Variants in WDR72 observed in about 807,000 individuals in gnomAD.
WDR72 encodes WD repeat domain 72, also known as WD repeat-containing protein 72.
In WDR72, 120 loss-of-function variants were observed where a neutral mutation model predicts 124.2. The ratio of observed to expected loss-of-function variants is 0.97; its 90% CI spans 0.83 to 1.12. WDR72 has a LOEUF of 1.12. WDR72 is among the 50% of genes most tolerant of loss of function. The pLI, the probability that WDR72 is intolerant of heterozygous loss-of-function variation, is 0.00. For synonymous variants in WDR72, 452 were observed against 441.7 expected (o/e 1.02, Z -0.29); for missense variants, 1,387 against 1,278.8 (o/e 1.08, Z -1.29).
At chr15:53,629,820 C>G (rs1291656167) in intron 14 of WDR72, among the ~76,000 whole-genome samples, 3 of 152,082 alleles carry the variant, frequency 2.0e-5, no homozygotes, top group Non-Finnish European at 4.4e-5. Context: ...AAACCAGCAG[C>G]CTACCAGCCA....
upstream of WDR72, among the ~76,000 whole-genome samples, chr15:53,761,393 A>G (rs1337395314): frequency 1.3e-5 from 2 of 152,216 alleles, no homozygotes; most frequent in East Asian, 3.9e-4. Context: ...TACAACCACT[A>G]TGGAGAACAG....
rs561608214 is a variant in WDR72 at position 53,705,880 on chromosome 15, A to G, written c.1102+47T>C. The G allele has an allele frequency of 3.7e-6, 6 of 1,606,348 alleles. No individual in the cohort carries two copies. The Admixed American group carries it at 6.7e-5, about 18-fold the overall frequency. On this transcript the variant is annotated intron_variant, in intron 10 of 19. Coordinates refer to ENST00000360509, the MANE Select transcript of WDR72 (RefSeq NM_182758.4). ...CTTAGAAGAACAATGAATTAATTAC[A>G]AATTCATTCTCAGAAGACATGTTAC...
At chr15:53,691,223 A>T (rs1444885172) in intron 13 of WDR72, among the ~76,000 whole-genome samples, 1 of 151,936 alleles carries the variant, frequency 6.6e-6, no homozygotes, top group Non-Finnish European at 1.5e-5. Context: ...CTAATTTTTT[A>T]AATTTTTTAT....
At chr15:53,639,533 A>ATT (rs1370260077) in intron 14 of WDR72, among the ~76,000 whole-genome samples, 19 of 146,142 alleles carry the variant, frequency 1.3e-4, no homozygotes, top group South Asian at 8.4e-4. Context: ...TATTTATAAA[A>ATT]TTATATATAA....
At chr15:53,589,501 A>G (rs533788349) in intron 18 of WDR72, among the ~76,000 whole-genome samples, 6 of 152,030 alleles carry the variant, frequency 3.9e-5, no homozygotes, top group Non-Finnish European at 7.4e-5. Context: ...TGATGGGAGG[A>G]AAAAAGATAA....
intron 13 of WDR72, among the ~76,000 whole-genome samples, chr15:53,690,999 T>C (rs1313069548): frequency 2.0e-5 from 3 of 152,182 alleles, no homozygotes. Context: ...AGTATCCTAG[T>C]GAATATGAAA....
chr15:53,587,334 T>C (rs1001804925), intron 18 of WDR72, among the ~76,000 whole-genome samples: 1 of 151,986 alleles, frequency 6.6e-6, no homozygotes, highest in African/African-American at 2.4e-5. Context: ...ATTTTGCTAC[T>C]ATTGTCCAGT....
rs114995150 is a variant in WDR72 at position 53,592,923 on chromosome 15, T to C, written c.3148+4156A>G. Among the ~76,000 whole-genome samples, 1,457 of 152,238 alleles carry C rather than the reference T, an allele frequency of 9.6e-3. 33 individuals carry two copies. The highest frequency in any genetic ancestry group is 0.034 in the African/African-American group (1,404 of 41,550). On this transcript the variant is annotated intron_variant, in intron 18 of 19. Transcript: ENST00000360509. The stretch of plus-strand genomic sequence containing the variant: ...TTCAAGGAAGATAGCAAAGTAATCA[T>C]TATAAAAACGTTAACTTAGATAAAA...
chr15:53,661,116 G>C (rs1244212475), intron 14 of WDR72, among the ~76,000 whole-genome samples: 3 of 152,184 alleles, frequency 2.0e-5, no homozygotes, highest in Non-Finnish European at 4.4e-5. Context: ...CTAAAGCAGA[G>C]TTGAGTACCC....
intron 14 of WDR72, among the ~76,000 whole-genome samples, chr15:53,634,898 G>A (rs1214118777): frequency 1.3e-5 from 2 of 152,196 alleles, no homozygotes; most frequent in Non-Finnish European, 2.9e-5. Context: ...AGGTAGTAGT[G>A]CAAGACAGTG....
chr15:53,546,445 A>T (rs891494562), intron 18 of WDR72, among the ~76,000 whole-genome samples: 3 of 150,540 alleles, frequency 2.0e-5, no homozygotes, highest in Middle Eastern at 3.4e-3. Flanking sequence ...ATTCTCACTC[A>T]TAGGTGGGAA....
At chr15:53,540,585 A>AC (rs1697575981) in intron 18 of WDR72, among the ~76,000 whole-genome samples, 1 of 151,628 alleles carries the variant, frequency 6.6e-6, no homozygotes, top group Non-Finnish European at 1.5e-5. Context: ...AAAAAAAAAA[A>AC]CAAGAGGAAA....
At chr15:53,712,978 T>G in intron 6 of WDR72, 87 bp from the exon 7 acceptor site, 1 of 1,462,578 alleles carries the variant, frequency 6.8e-7, no homozygotes, top group Middle Eastern at 1.7e-4. Context: ...ACATCTCAAG[T>G]AGATCACACC....
At chr15:53,642,819 C>T (rs1368381934) in intron 14 of WDR72, among the ~76,000 whole-genome samples, 1 of 152,072 alleles carries the variant, frequency 6.6e-6, no homozygotes, top group South Asian at 2.1e-4. Flanking sequence ...ATACCCATAA[C>T]CACATAAAAA....
In WDR72 at chr15:53,523,252, A is replaced by C. The variant is rs746351911; in HGVS notation, c.3219T>G (p.Pro1073=). 10 of 1,613,078 alleles carry C rather than the reference A, an allele frequency of 6.2e-6. No homozygotes were observed. The East Asian group carries it at 2.2e-4, about 36-fold the overall frequency. Residue 1073 remains proline, a synonymous_variant, in exon 19 of 20, where the codon CCT becomes CCG. Transcript: ENST00000360509. ...CAGACTCTTCCAAGGCACATCTGTC[A>C]GGCATGTCCTCCACGTCTTGGAAGT... The part of the protein sequence containing the change: ...SANFQDVEDM[P]DRCALEESES...
At chr15:53,658,477 G>A (rs868293924) in intron 14 of WDR72, among the ~76,000 whole-genome samples, 1 of 152,142 alleles carries the variant, frequency 6.6e-6, no homozygotes, top group African/African-American at 2.4e-5. Flanking sequence ...CAACACTGGG[G>A]ACATGACTGG....
At chr15:53,519,436 T>C (rs12902770) in intron 19 of WDR72, among the ~76,000 whole-genome samples, 44,716 of 152,044 alleles carry the variant, frequency 0.29, 7,713 homozygotes, top group Non-Finnish European at 0.38. Context: ...TCAGTGCTTC[T>C]ATTACTAGAC....
chr15:53,693,392 G>T (rs926438147), intron 13 of WDR72, among the ~76,000 whole-genome samples: 1 of 30,344 alleles, frequency 3.3e-5, no homozygotes, highest in South Asian at 7.9e-4. Context: ...TCTGAAAAAC[G>T]TGTCTTGCAC....
At chr15:53,645,178 C>T (rs2014998260) in intron 14 of WDR72, among the ~76,000 whole-genome samples, 1 of 152,116 alleles carries the variant, frequency 6.6e-6, no homozygotes, top group African/African-American at 2.4e-5. Flanking sequence ...ATCACAGGGT[C>T]AAGAGGCTCC....
Sources: gnomAD v4.1 joint callset for allele counts (sites outside exome capture counted in the v4.1 genomes callset) on GRCh38, gnomAD v4.1.1 for gene constraint, MANE v1.5 for transcripts, NCBI Gene and HGNC (gene_info 2026-07-23, HGNC 2026-07-21) for gene names.